GNB4: variants seen among roughly 807,000 people sequenced by gnomAD.
GNB4 encodes G protein subunit beta 4.
GNB4 carries 28 observed loss-of-function variants against 45.2 expected under a neutral mutation model. The observed-to-expected ratio is 0.62, with a 90% CI of 0.46 to 0.85. The LOEUF (loss-of-function observed/expected upper bound fraction) is 0.85, where lower values mean the gene tolerates loss of function less well. Among genes scored for constraint, GNB4 ranks in the 40% least tolerant of loss-of-function variants. The probability of loss-of-function intolerance (pLI) is 0.00; values close to 1 mark genes in which losing one functional copy is unlikely to be tolerated. For synonymous variants in GNB4, 132 were observed against 143.7 expected (o/e 0.92, Z 0.58); for missense variants, 321 against 425.4 (o/e 0.75, Z 2.16).
chr3:179,427,669 C>A (rs1385421421), intron 1 of GNB4, among the ~76,000 whole-genome samples: 1 of 146,154 alleles, frequency 6.8e-6, no homozygotes, highest in Non-Finnish European at 1.5e-5. Flanking sequence ...TTGCTTTATT[C>A]TTTGTTGTAT....
chr3:179,516,359 G>A, the GNB4 span, among the ~76,000 whole-genome samples: 1 of 152,188 alleles, frequency 6.6e-6, no homozygotes, highest in South Asian at 2.1e-4. Context: ...AAATGACCAT[G>A]GTGGCCTTTT....
intron 1 of GNB4, among the ~76,000 whole-genome samples, chr3:179,439,862 T>G (rs192383378): frequency 6.6e-6 from 1 of 152,382 alleles, no homozygotes; most frequent in East Asian, 1.9e-4. Flanking sequence ...GCACATATCC[T>G]TAACTTTGGC....
At chr3:179,479,611 A>C in the GNB4 span, among the ~76,000 whole-genome samples, 1 of 152,202 alleles carries the variant, frequency 6.6e-6, no homozygotes, top group Non-Finnish European at 1.5e-5. Context: ...ACACACACAC[A>C]GTCATTTTGC....
intron 8 of GNB4, among the ~76,000 whole-genome samples, 162 bp downstream of exon 8, chr3:179,413,246 GCTTT>G (rs1714702198): frequency 6.6e-6 from 1 of 151,408 alleles, no homozygotes; most frequent in Non-Finnish European, 1.5e-5. Flanking sequence ...ATGAATTGAA[GCTTT>G]CTTTTTTAAA....
chr3:179,474,690 T>C, the GNB4 span, among the ~76,000 whole-genome samples: 4 of 151,642 alleles, frequency 2.6e-5, no homozygotes, highest in Non-Finnish European at 5.9e-5. Flanking sequence ...TGCCCACAGC[T>C]GTCTTAGTCT....
chr3:179,434,669 T>A (rs1420823021), intron 1 of GNB4, among the ~76,000 whole-genome samples: 1 of 150,870 alleles, frequency 6.6e-6, no homozygotes, highest in Non-Finnish European at 1.5e-5. Flanking sequence ...TGCAGTGAGC[T>A]GAGATCACAC....
At position 179,431,575 on chromosome 3, in the gene GNB4, A is replaced by G. The variant is rs573064166; in HGVS notation, c.-42-5333T>C. Among the ~76,000 whole-genome samples, 7 of 146,852 alleles carry G rather than the reference A, an allele frequency of 4.8e-5. No homozygotes were observed. In the South Asian group the frequency reaches 1.3e-3, roughly 27 times the overall value. ...TCTGTCTCAAAAAAAAAAAAAAAAGACTAAATCACTTGTCCTACACAATGT... is the reference window on the plus strand; with the variant it reads ...TCTGTCTCAAAAAAAAAAAAAAAAGGCTAAATCACTTGTCCTACACAATGT... On this transcript the variant is annotated intron_variant, in intron 1 of 9. Transcript: ENST00000232564.
chr3:179,452,496 C>A (rs1356765286), upstream of GNB4: 1 of 152,140 alleles, frequency 6.6e-6, no homozygotes, highest in Admixed American at 6.6e-5. Flanking sequence ...CGAACAATAT[C>A]ATCAGATAAC....
the GNB4 span, among the ~76,000 whole-genome samples, chr3:179,497,650 T>C: frequency 6.6e-6 from 1 of 151,616 alleles, no homozygotes; most frequent in Non-Finnish European, 1.5e-5. Flanking sequence ...CATACATAAC[T>C]CTAAAAGTCC....
chr3:179,477,690 AGCGAGAC>A, the GNB4 span, among the ~76,000 whole-genome samples: 2 of 152,188 alleles, frequency 1.3e-5, no homozygotes. Flanking sequence ...TGGTCAATAA[AGCGAGAC>A]CCTATCTCTA....
intron 1 of GNB4, among the ~76,000 whole-genome samples, chr3:179,441,624 C>T (rs1388038886): frequency 1.3e-5 from 2 of 151,498 alleles, no homozygotes; most frequent in Non-Finnish European, 1.5e-5. Context: ...GGGTGGCCGG[C>T]GCCTGTAATC....
chr3:179,485,770 A>G, the GNB4 span, among the ~76,000 whole-genome samples: 8 of 151,414 alleles, frequency 5.3e-5, no homozygotes, highest in Non-Finnish European at 8.8e-5. Flanking sequence ...GTGAAACTCC[A>G]TCTCTACTAA....
At chr3:179,474,737 C>CTTTTT in the GNB4 span, among the ~76,000 whole-genome samples, 1,057 of 58,968 alleles carry the variant, frequency 0.018, 46 homozygotes, top group East Asian at 0.032. Flanking sequence ...AGACTGGGTC[C>CTTTTT]TTTTTTTTTT....
chr3:179,458,099 TTCACC>T, the GNB4 span, among the ~76,000 whole-genome samples: 1 of 152,140 alleles, frequency 6.6e-6, no homozygotes, highest in East Asian at 1.9e-4. Context: ...CAGACGGGGT[TTCACC>T]ATATTGACCA....
chr3:179,429,383 T>C (rs2024497), intron 1 of GNB4, among the ~76,000 whole-genome samples: 107,827 of 152,096 alleles, frequency 0.71, 38,617 homozygotes, highest in African/African-American at 0.79. Flanking sequence ...CTACTCACCG[T>C]TGAGTAATAA....
chr3:179,443,476 T>C (rs752091827), intron 1 of GNB4, among the ~76,000 whole-genome samples: 12 of 149,896 alleles, frequency 8.0e-5, no homozygotes, highest in Admixed American at 7.9e-4. Context: ...GAGAAAGAGG[T>C]TGCAGTGAGC....
intron 2 of GNB4, among the ~76,000 whole-genome samples, chr3:179,422,393 G>A (rs1485147045): frequency 1.3e-5 from 2 of 151,730 alleles, no homozygotes; most frequent in African/African-American, 2.4e-5. Flanking sequence ...TTGGGAGGCC[G>A]AGGAGGAAGG....
At chr3:179,514,238 A>G in the GNB4 span, among the ~76,000 whole-genome samples, 1 of 152,264 alleles carries the variant, frequency 6.6e-6, no homozygotes, top group Non-Finnish European at 1.5e-5. Flanking sequence ...AGGCTGGGTC[A>G]GAGATATAGG....
intron 2 of GNB4, among the ~76,000 whole-genome samples, chr3:179,425,561 C>G (rs1219467626): frequency 6.6e-6 from 1 of 152,200 alleles, no homozygotes; most frequent in African/African-American, 2.4e-5. Context: ...ACCTCCGTCT[C>G]CAGGGATCAA....
Sources: allele counts gnomAD v4.1 joint callset (sites outside exome capture counted in the v4.1 genomes callset), GRCh38; gene constraint gnomAD v4.1.1; transcripts MANE v1.5; gene names NCBI Gene and HGNC (gene_info 2026-07-23, HGNC 2026-07-21).